Variants in LMNB1 observed in about 807,000 individuals in gnomAD.
LMNB1 encodes lamin-B1.
LMNB1 carries 23 observed loss-of-function variants against 67.1 expected under a neutral mutation model. That is an observed-to-expected ratio of 0.34 (90% CI 0.25 to 0.49). LMNB1 has a LOEUF of 0.49. Among genes scored for constraint, LMNB1 ranks in the 20% least tolerant of loss-of-function variants. LMNB1 has a pLI of 0.99. For synonymous variants in LMNB1, 281 were observed against 282.9 expected (o/e 0.99, Z 0.07); for missense variants, 634 against 746.5 (o/e 0.85, Z 1.76).
At chr5:126,789,052 C>T (rs1386625169) in intron 1 of LMNB1, among the ~76,000 whole-genome samples, 6 of 151,854 alleles carry the variant, frequency 4.0e-5, no homozygotes, top group African/African-American at 9.7e-5. Context: ...CACACCACCA[C>T]GACTGGCTAA....
chr5:126,808,237 GCAGTGGTA>G (rs1245677392), intron 3 of LMNB1, among the ~76,000 whole-genome samples: 1 of 151,926 alleles, frequency 6.6e-6, no homozygotes, highest in East Asian at 1.9e-4. Flanking sequence ...AGGCTGGTGT[GCAGTGGTA>G]CGGTCTTGGC....
At position 126,822,794 on chromosome 5, in the gene LMNB1, G is replaced by C; in HGVS notation, c.1400G>C (p.Gly467Ala). 3 of 1,608,886 alleles carry C rather than the reference G, an allele frequency of 1.9e-6. No homozygotes were observed. Among genetic ancestry groups the C allele is most frequent in the Non-Finnish European group, 2.6e-6 (3 of 1,175,466 alleles). Residue 467 changes from glycine to alanine, a missense_variant, in exon 8 of 11, where the codon GGA becomes GCA. Physicochemically the swap from Gly to Ala is moderately conservative, Grantham distance 60. Coordinates refer to ENST00000261366, the MANE Select transcript of LMNB1 (RefSeq NM_005573.4). ...TTCTGTGTGTAGGATCAACCAATGG[G>C]AGGCTGGGAGATGATCAGAAAAATT... Reference protein sequence around the residue: ...KNTSEQDQPMGGWEMIRKIGD... With the variant: ...KNTSEQDQPMAGWEMIRKIGD...
Position 126,827,154 on chromosome 5 carries a change from C to A in LMNB1, c.1611+1047C>A, listed in dbSNP as rs188961023. The stretch of plus-strand genomic sequence containing the variant: ...TAGGGGGAATGTTAGGCTGGCAAAC[C>A]TGGTAGGGAAGCTAACCATATTTAC... On this transcript the variant is annotated intron_variant, in intron 9 of 10. Coordinates refer to ENST00000261366, the MANE Select transcript of LMNB1 (RefSeq NM_005573.4). 1.4e-3 allele frequency among the ~76,000 whole-genome samples: 213 copies of A among 152,282 alleles called. 1 individual carries two copies. The highest frequency in any genetic ancestry group is 4.6e-3 in the African/African-American group (190 of 41,536).
At chr5:126,820,151 A>G (rs1751826197) in intron 6 of LMNB1, among the ~76,000 whole-genome samples, 1 of 152,232 alleles carries the variant, frequency 6.6e-6, no homozygotes, top group Non-Finnish European at 1.5e-5. Flanking sequence ...TCACAAAAAA[A>G]AGAAAAAGAA....
intron 3 of LMNB1, among the ~76,000 whole-genome samples, chr5:126,809,755 TGTTAA>T (rs1751539621): frequency 6.6e-6 from 1 of 152,246 alleles, no homozygotes; most frequent in African/African-American, 2.4e-5. Flanking sequence ...TTATCACAAC[TGTTAA>T]GTTTAACTTT....
chr5:126,812,055 G>A (rs1172941110), intron 5 of LMNB1, among the ~76,000 whole-genome samples, 157 bp downstream of exon 5: 1 of 152,068 alleles, frequency 6.6e-6, no homozygotes, highest in Non-Finnish European at 1.5e-5. Context: ...TTCTAGATTC[G>A]TTCATTTTGC....
rs1004666595 is a variant in LMNB1 at position 126,779,652 on chromosome 5, G to A, written c.359+1785G>A. Among the ~76,000 whole-genome samples, 3 of 150,288 alleles carry A rather than the reference G, an allele frequency of 2.0e-5. 1 individual carries two copies. The highest frequency in any genetic ancestry group is 4.4e-5 in the Non-Finnish European group (3 of 67,460). On this transcript the variant is annotated intron_variant, in intron 1 of 10. Transcript: ENST00000261366. ...GGTGGCTCACGCCTGTAATCCCAGC[G>A]CTTTGGGAGGCGAGGTGAGCGGATC...
chr5:126,781,756 G>T (rs918413557), intron 1 of LMNB1, among the ~76,000 whole-genome samples: 1 of 152,072 alleles, frequency 6.6e-6, no homozygotes, highest in East Asian at 1.9e-4. Flanking sequence ...TTTTTATTTG[G>T]AACTAGAGTG....
intron 1 of LMNB1, among the ~76,000 whole-genome samples, chr5:126,781,110 G>A (rs2112917552): frequency 6.6e-6 from 1 of 152,170 alleles, no homozygotes; most frequent in Non-Finnish European, 1.5e-5. Flanking sequence ...CCAACATGGC[G>A]AGACCCCGTC....
At chr5:126,788,168 C>T (rs896927013) in intron 1 of LMNB1, among the ~76,000 whole-genome samples, 13 of 151,996 alleles carry the variant, frequency 8.6e-5, no homozygotes, top group Admixed American at 5.3e-4. Flanking sequence ...TGCTCTTAAC[C>T]GAAATTGGTG....
intron 1 of LMNB1, among the ~76,000 whole-genome samples, chr5:126,803,047 C>T (rs1023144983): frequency 6.6e-5 from 10 of 151,136 alleles, no homozygotes; most frequent in Admixed American, 5.9e-4. Context: ...TTATCTCGGC[C>T]TAGTACCGCA....
intron 7 of LMNB1, among the ~76,000 whole-genome samples, chr5:126,821,704 T>A (rs534678133): frequency 6.6e-6 from 1 of 152,204 alleles, no homozygotes; most frequent in Non-Finnish European, 1.5e-5. Flanking sequence ...GCTGGGGCTT[T>A]CGGGAGCTCT....
rs779988978 is a variant in LMNB1 at position 126,826,055 on chromosome 5, C to T, written c.1559C>T (p.Ser520Leu). 8.7e-6 allele frequency: 14 copies of T among 1,613,850 alleles called. 1 individual carries two copies. Among genetic ancestry groups the T allele is most frequent in the African/African-American group, 5.3e-5 (4 of 74,904 alleles). Reference protein sequence around the residue: ...PTDLIWKNQNSWGTGEDVKVI... With the variant: ...PTDLIWKNQNLWGTGEDVKVI... The stretch of plus-strand genomic sequence containing the variant: ...GACCTCATCTGGAAGAACCAGAACT[C>T]GTGGGGCACTGGCGAAGATGTGAAG... Residue 520 changes from serine to leucine, a missense_variant, in exon 9 of 11, where the codon TCG becomes TTG. Transcript: ENST00000261366.
At chr5:126,805,993 C>A (rs1384227103) in intron 3 of LMNB1, among the ~76,000 whole-genome samples, 1 of 152,122 alleles carries the variant, frequency 6.6e-6, no homozygotes, top group East Asian at 1.9e-4. Flanking sequence ...TCTTGCTCTG[C>A]CGCCAGGCTG....
Position 126,817,873 on chromosome 5 carries a change from G to A in LMNB1, c.940-1049G>A, listed in dbSNP as rs750397011. ...GCCTAAGCTATCCATCAGTCTTTTT[G>A]AGTTGTCACTTTCTGAGGCTACTGA... On this transcript the variant is annotated intron_variant, in intron 5 of 10. Transcript: ENST00000261366. 9.9e-5 allele frequency among the ~76,000 whole-genome samples: 15 copies of A among 152,228 alleles called. 1 individual carries two copies. Among genetic ancestry groups the A allele is most frequent in the Non-Finnish European group, 1.9e-4 (13 of 67,998 alleles).
At position 126,836,338 on chromosome 5, in the gene LMNB1, A is replaced by C; in HGVS notation, c.*74A>C. The stretch of plus-strand genomic sequence containing the variant: ...TGTATACAGTGCAGAGCCTTCTCAG[A>C]AGCACAGAATATTTTTATATTTCCT... On this transcript the variant is annotated 3_prime_UTR_variant, in exon 11 of 11. Transcript: ENST00000261366. 1.1e-6 allele frequency: 1 copy of C among 913,854 alleles called. No homozygotes were observed. Among genetic ancestry groups the C allele is most frequent in the Non-Finnish European group, 1.7e-6 (1 of 592,450 alleles). The allele number at this position is 913,854 out of a possible 1,614,324, so 56.6% of individuals were successfully genotyped here.
chr5:126,794,670 C>G (rs1448128341), intron 1 of LMNB1, among the ~76,000 whole-genome samples: 1 of 152,128 alleles, frequency 6.6e-6, no homozygotes, highest in African/African-American at 2.4e-5. Flanking sequence ...TATATGAAAG[C>G]AGGAACAGAG....
Position 126,822,816 on chromosome 5 carries a change from A to T in LMNB1, c.1422A>T (p.Lys474Asn). The change falls in exon 8 of 11, where the codon AAA becomes AAT. Residue 474 changes from lysine (K) to asparagine (N), a missense_variant. Lys to Asn is a moderately conservative substitution (Grantham distance 94). Coordinates refer to ENST00000261366, the MANE Select transcript of LMNB1 (RefSeq NM_005573.4). ...QPMGGWEMIR[K>N]IGDTSVSYKY... ...TGGGAGGCTGGGAGATGATCAGAAA[A>T]ATTGGAGACACATCAGTCAGTTATA... The T allele has an allele frequency of 1.9e-6, 3 of 1,613,292 alleles. No homozygotes were observed. The highest frequency in any genetic ancestry group is 2.5e-6 in the Non-Finnish European group (3 of 1,179,310).
chr5:126,823,709 A>G (rs1449052108), intron 8 of LMNB1, among the ~76,000 whole-genome samples: 1 of 152,216 alleles, frequency 6.6e-6, no homozygotes, highest in African/African-American at 2.4e-5. Flanking sequence ...TTGAAGATCA[A>G]AGGCTCAGAC....
Sources: gnomAD v4.1 joint callset for allele counts (sites outside exome capture counted in the v4.1 genomes callset) on GRCh38, gnomAD v4.1.1 for gene constraint, MANE v1.5 for transcripts, NCBI Gene and HGNC (gene_info 2026-07-23, HGNC 2026-07-21) for gene names.